Variants in C4orf50 observed in about 807,000 individuals in gnomAD.
C4orf50 encodes chromosome 4 open reading frame 50, also known as uncharacterized protein C4orf50.
In C4orf50, 80 loss-of-function variants were observed where a neutral mutation model predicts 77.2. That is an observed-to-expected ratio of 1.04 (90% CI 0.87 to 1.25). The LOEUF (loss-of-function observed/expected upper bound fraction) is 1.25, where lower values mean the gene tolerates loss of function less well. C4orf50 is among the 50% of genes most tolerant of loss of function. The pLI, the probability that C4orf50 is intolerant of heterozygous loss-of-function variation, is 0.00. For missense variants in C4orf50, 1,257 were observed against 1,152.9 expected, an observed-to-expected ratio of 1.09 and a Z score of -1.31; for synonymous variants, 532 against 465.3, an observed-to-expected ratio of 1.14 and a Z score of -1.84.
rs1716290767 is a variant in C4orf50, at chr4:5,900,308, CA to C, written c.*2475-2121del. The C allele has an allele frequency of 6.6e-6, 1 of 152,114 alleles. No individual in the cohort carries two copies. The highest frequency in any genetic ancestry group is 1.5e-5 in the Non-Finnish European group (1 of 68,032). The allele number at this position is 152,114 out of a possible 1,614,324, so 9.4% of individuals were successfully genotyped here. A position where few individuals can be genotyped will look rare whatever the true frequency, so the allele number is the denominator to read the frequency against. On this transcript the variant is annotated intron_variant, in intron 7 of 7. Coordinates refer to the C4orf50 transcript ENST00000324058. This position sits in a 1 kb window ranked among gnomAD's most constrained non-coding sequence, Gnocchi z 4.3. ...CTCTCCAATGATGGGTAACTAAACT[CA>C]TATAATAATCTCATTCCAAAGCAAT...
intron 7 of C4orf50, among the ~76,000 whole-genome samples, chr4:5,929,099 A>C (rs1021177195): frequency 6.6e-6 from 1 of 152,206 alleles, no homozygotes; most frequent in African/African-American, 2.4e-5. Context: ...TATTTCATGG[A>C]GTGAATATAT....
intron 7 of C4orf50, among the ~76,000 whole-genome samples, chr4:5,942,138 A>C (rs1463540074): frequency 6.6e-6 from 1 of 152,186 alleles, no homozygotes; most frequent in African/African-American, 2.4e-5. Context: ...TGAAATCATC[A>C]GAGGTGTGGG....
At chr4:5,953,764 A>G (rs1718828536), downstream of C4orf50, among the ~76,000 whole-genome samples, 3 of 152,160 alleles carry the variant, frequency 2.0e-5, no homozygotes, top group Middle Eastern at 3.2e-3. Context: ...CTGACTCAGC[A>G]CCACTAGATC....
downstream of C4orf50, chr4:5,956,552 C>CG (rs1718967511): frequency 6.6e-6 from 1 of 152,288 alleles, no homozygotes; most frequent in African/African-American, 2.4e-5. Flanking sequence ...GAAGGCCTCC[C>CG]GGGAGCACAG....
intron 25 of C4orf50, among the ~76,000 whole-genome samples, chr4:6,001,620 C>T (rs1335587513): frequency 2.0e-5 from 3 of 152,144 alleles, no homozygotes; most frequent in Admixed American, 2.0e-4. Flanking sequence ...GGGGCCTCAA[C>T]CCACACAGGC....
chr4:5,967,435 C>G (rs1213013856), exon 32 of C4orf50: 1 of 1,614,086 alleles, frequency 6.2e-7, no homozygotes, highest in East Asian at 2.2e-5. Context: ...GCCGTCATCT[C>G]AGACTTGACG....
Position 5,959,368 on chromosome 4 carries a change from G to A in C4orf50, c.*7C>T. On this transcript the variant is annotated 3_prime_UTR_variant, in exon 34 of 34. Coordinates refer to ENST00000531445, the Ensembl canonical transcript of C4orf50. ...TATGAAATGGCTCCGGAGAATGAGT[G>A]GCCCTATTACATTTCTAACTCCAGC... The A allele has an allele frequency of 6.2e-7, 1 of 1,609,732 alleles. No individual in the cohort carries two copies. The highest frequency in any genetic ancestry group is 8.5e-7 in the Non-Finnish European group (1 of 1,176,418).
rs1722636413 is a variant in C4orf50, at chr4:6,015,133, G to A, written c.287+3012C>T. Reference sequence around the variant, plus strand: ...TGCCTTCCCCAACTCTCAGCACCCAGGACTTCTGTTATGGGCTCAACACAT... The same window carrying A: ...TGCCTTCCCCAACTCTCAGCACCCAAGACTTCTGTTATGGGCTCAACACAT... On this transcript the variant is annotated intron_variant, in intron 23 of 33. Transcript: ENST00000531445. The surrounding 1 kb of genome is among the most constrained non-coding windows in gnomAD (Gnocchi z 4.4). Among the ~76,000 whole-genome samples, 1 of 152,136 alleles carries A rather than the reference G, an allele frequency of 6.6e-6. No homozygotes were observed. Among genetic ancestry groups the A allele is most frequent in the Non-Finnish European group, 1.5e-5 (1 of 68,026 alleles).
At chr4:5,940,625 A>C (rs1292589084) in intron 7 of C4orf50, among the ~76,000 whole-genome samples, 1 of 151,798 alleles carries the variant, frequency 6.6e-6, no homozygotes, top group African/African-American at 2.4e-5. Flanking sequence ...AATCCCTCCC[A>C]CCTCTGTGTG....
In C4orf50 at chr4:6,009,949, CAG is replaced by C. The variant is rs1229015618; in HGVS notation, c.427-1419_427-1418del. On this transcript the variant is annotated intron_variant, in intron 24 of 33. Transcript: ENST00000531445. The surrounding 1 kb of genome is among the most constrained non-coding windows in gnomAD (Gnocchi z 5.6). ...CCGGGAGCATACACAGCACATGAGA[CAG>C]ATTTAATAAGACGACGCGTGTAGAA... Among the ~76,000 whole-genome samples the C allele has an allele frequency of 1.3e-5, 2 of 152,114 alleles. No homozygotes were observed. Among genetic ancestry groups the C allele is most frequent in the Non-Finnish European group, 2.9e-5 (2 of 68,024 alleles).
chr4:5,935,413 T>G (rs1717963358), intron 7 of C4orf50, among the ~76,000 whole-genome samples: 1 of 152,162 alleles, frequency 6.6e-6, no homozygotes, highest in Non-Finnish European at 1.5e-5. Context: ...TAGCCCTATA[T>G]CTCATGGGAA....
intron 7 of C4orf50, among the ~76,000 whole-genome samples, chr4:5,940,933 T>C (rs1030050943): frequency 3.9e-5 from 6 of 152,160 alleles, no homozygotes; most frequent in African/African-American, 1.4e-4. Flanking sequence ...CTAGCACCAA[T>C]GGCCAGACAC....
intron 7 of C4orf50, among the ~76,000 whole-genome samples, chr4:5,930,311 G>A (rs1056878146): frequency 1.3e-5 from 2 of 152,302 alleles, no homozygotes; most frequent in South Asian, 4.1e-4. Context: ...CCTACTGACT[G>A]TCTTTATGTG....
intron 7 of C4orf50, among the ~76,000 whole-genome samples, chr4:5,935,784 T>TAAAAAAAAAA (rs769910855): frequency 0.01 from 325 of 31,480 alleles, 41 homozygotes; most frequent in Non-Finnish European, 0.019. Context: ...AGACTCCGTC[T>TAAAAAAAAAA]AAAAAAAAAA....
Position 5,970,576 on chromosome 4 carries a change from C to T in C4orf50, c.4104+3083G>A, listed in dbSNP as rs749198236. Among the ~76,000 whole-genome samples, 6 of 152,208 alleles carry T rather than the reference C, an allele frequency of 3.9e-5. No homozygotes were observed. Among genetic ancestry groups the T allele is most frequent in the Non-Finnish European group, 7.4e-5 (5 of 68,026 alleles). On this transcript the variant is annotated intron_variant, in intron 31 of 33. Coordinates refer to ENST00000531445, the Ensembl canonical transcript of C4orf50. The surrounding 1 kb of genome is among the most constrained non-coding windows in gnomAD (Gnocchi z 4.3). Reference sequence around the variant, plus strand: ...CTGGGACCCGTGGCCCCCAGCCCAACACCACATGCCTGCAGAAAGGGCACT... The same window carrying T: ...CTGGGACCCGTGGCCCCCAGCCCAATACCACATGCCTGCAGAAAGGGCACT...
In C4orf50 at chr4:5,976,320, G is replaced by A. The variant is rs1030626173; in HGVS notation, c.3865-365C>T. Among the ~76,000 whole-genome samples the A allele has an allele frequency of 7.9e-5, 12 of 152,160 alleles. No homozygotes were observed. In the East Asian group the frequency reaches 1.5e-3, roughly 20 times the overall value. ...CAAAAAAAAAAATTAGCCAGGTGTG[G>A]TGGTGGGCACCTGTAGTCCCAGCTA... On this transcript the variant is annotated intron_variant, in intron 29 of 33. Coordinates refer to ENST00000531445, the Ensembl canonical transcript of C4orf50.
At chr4:5,989,346 A>T in exon 28 of C4orf50, 1 of 1,535,986 alleles carries the variant, frequency 6.5e-7, no homozygotes, top group South Asian at 1.2e-5. Context: ...CTTCATCCCA[A>T]TGAGGCAGTG....
In C4orf50 at chr4:5,901,862, T is replaced by G. The variant is rs900752698; in HGVS notation, c.*2475-3674A>C. The G allele has an allele frequency of 7.9e-5, 12 of 152,302 alleles. No homozygotes were observed. Among genetic ancestry groups the G allele is most frequent in the African/African-American group, 2.9e-4 (12 of 41,442 alleles). 9.4% of individuals were successfully genotyped at this position (152,302 alleles called of 1,614,324 possible). On this transcript the variant is annotated intron_variant, in intron 7 of 7. Coordinates refer to the C4orf50 transcript ENST00000324058. This position sits in a 1 kb window ranked among gnomAD's most constrained non-coding sequence, Gnocchi z 4.4. Reference sequence around the variant, plus strand: ...CAGAGAAGTGGGTGAGGTCCAGATATGCAGGAATCACACAGACAGCAACAG... The same window carrying G: ...CAGAGAAGTGGGTGAGGTCCAGATAGGCAGGAATCACACAGACAGCAACAG...
rs1377135672 is a variant in C4orf50, at chr4:5,917,733, A to G, written c.*2475-19545T>C. On this transcript the variant is annotated intron_variant, in intron 7 of 7. Transcript: ENST00000324058. ...CTGTATTTCTACTGAAAGCTATAGTATGTTTCTTTCTTGAGCCTTGAAAGC... is the reference window on the plus strand; with the variant it reads ...CTGTATTTCTACTGAAAGCTATAGTGTGTTTCTTTCTTGAGCCTTGAAAGC... Among the ~76,000 whole-genome samples the G allele has an allele frequency of 2.6e-5, 4 of 152,166 alleles. No homozygotes were observed. The East Asian group carries it at 7.7e-4, about 29-fold the overall frequency.
Sources: allele counts gnomAD v4.1 joint callset (sites outside exome capture counted in the v4.1 genomes callset), GRCh38; gene constraint gnomAD v4.1.1; non-coding constraint Gnocchi (gnomAD v3.1); transcripts MANE v1.5; gene names NCBI Gene and HGNC (gene_info 2026-07-23, HGNC 2026-07-21).